Variants in MAD1L1 observed in about 807,000 individuals in gnomAD.
The protein encoded by MAD1L1 is mitotic arrest deficient 1 like 1, also known as mitotic spindle assembly checkpoint protein MAD1.
MAD1L1 carries 95 observed loss-of-function variants against 96.9 expected under a neutral mutation model. The observed-to-expected ratio is 0.98, with a 90% CI of 0.83 to 1.16. The LOEUF (loss-of-function observed/expected upper bound fraction) is 1.16. Among genes scored for constraint, MAD1L1 ranks in the 50% most tolerant of loss-of-function variants. The pLI, the probability that MAD1L1 is intolerant of heterozygous loss-of-function variation, is 0.00. For missense variants in MAD1L1, 1,007 were observed against 954.4 expected (o/e 1.06, Z -0.73); for synonymous variants, 473 against 396.6 (o/e 1.19, Z -2.29).
At chr7:1,816,610 G>A (rs1238331497) in intron 18 of MAD1L1, among the ~76,000 whole-genome samples, 3 of 152,070 alleles carry the variant, frequency 2.0e-5, no homozygotes, top group Non-Finnish European at 4.4e-5. Flanking sequence ...GTCCTGCAAC[G>A]CCTTCCACAC....
intron 18 of MAD1L1, among the ~76,000 whole-genome samples, chr7:1,886,434 T>C (rs1389748781): frequency 1.3e-5 from 2 of 152,210 alleles, no homozygotes; most frequent in Admixed American, 6.5e-5. Flanking sequence ...AATCTCAGCC[T>C]GTGTCAACAC....
chr7:2,098,763 T>A (rs1479403641), intron 11 of MAD1L1, among the ~76,000 whole-genome samples: 3 of 152,094 alleles, frequency 2.0e-5, no homozygotes, highest in Non-Finnish European at 4.4e-5. Context: ...AATGAAGATC[T>A]ACACACCACA....
At chr7:1,909,658 C>A (rs1343368419) in intron 17 of MAD1L1, among the ~76,000 whole-genome samples, 1 of 152,170 alleles carries the variant, frequency 6.6e-6, no homozygotes, top group Admixed American at 6.5e-5. Context: ...AATCCAAATT[C>A]CCGGAGACCA....
intron 13 of MAD1L1, 150 bp downstream of exon 13, chr7:2,014,352 G>A: frequency 1.0e-6 from 1 of 967,350 alleles, no homozygotes; most frequent in South Asian, 1.8e-5. Context: ...AGAGGAAGCA[G>A]CCCGTGGACA....
intron 11 of MAD1L1, among the ~76,000 whole-genome samples, chr7:2,144,215 A>G (rs1409163995): frequency 6.6e-6 from 1 of 152,230 alleles, no homozygotes; most frequent in African/African-American, 2.4e-5. Context: ...AAGAGCTTCC[A>G]GCTGGGAGCG....
intron 16 of MAD1L1, among the ~76,000 whole-genome samples, chr7:1,947,324 C>T (rs1453892052): frequency 7.9e-5 from 12 of 152,326 alleles, no homozygotes; most frequent in South Asian, 6.2e-4. Context: ...GTGCCTGACG[C>T]GCATGCCGAG....
rs1194006521 is a variant in MAD1L1, at chr7:2,224,598, G to A, written c.291+812C>T. Among the ~76,000 whole-genome samples, 10 of 152,294 alleles carry A rather than the reference G, an allele frequency of 6.6e-5. No individual in the cohort carries two copies. In the South Asian group the frequency reaches 1.7e-3, roughly 25 times the overall value. On this transcript the variant is annotated intron_variant, in intron 4 of 18. Transcript: ENST00000265854. ...GCCCAGGAGAGTGTGTGAATACACC[G>A]CATGATGTCAGGGCGGGGCTGGACA...
intron 12 of MAD1L1, among the ~76,000 whole-genome samples, chr7:2,054,390 G>C (rs1265698622): frequency 6.6e-6 from 1 of 152,160 alleles, no homozygotes; most frequent in African/African-American, 2.4e-5. Context: ...ACTGGAGACG[G>C]GTAAAATGCA....
intron 11 of MAD1L1, among the ~76,000 whole-genome samples, chr7:2,073,922 C>T (rs189309563): frequency 4.1e-4 from 62 of 152,310 alleles, no homozygotes; most frequent in Non-Finnish European, 8.1e-4. Context: ...CACTCGGGCC[C>T]GCGTCATCAG....
At chr7:2,171,924 G>A (rs1790726699) in intron 10 of MAD1L1, among the ~76,000 whole-genome samples, 1 of 152,142 alleles carries the variant, frequency 6.6e-6, no homozygotes, top group African/African-American at 2.4e-5. Flanking sequence ...ACATCTGGAG[G>A]GTCCCTGGGA....
intron 16 of MAD1L1, among the ~76,000 whole-genome samples, chr7:1,952,266 C>T (rs1291787570): frequency 6.6e-6 from 1 of 152,210 alleles, no homozygotes; most frequent in Non-Finnish European, 1.5e-5. Flanking sequence ...AAACGAGCAC[C>T]ATCATAGAAA....
At chr7:2,094,049 G>A (rs1283472173) in intron 11 of MAD1L1, among the ~76,000 whole-genome samples, 1 of 152,254 alleles carries the variant, frequency 6.6e-6, no homozygotes, top group Non-Finnish European at 1.5e-5. Context: ...CAGGGCCAAG[G>A]AAAGCAGAGG....
intron 15 of MAD1L1, among the ~76,000 whole-genome samples, chr7:1,959,576 A>G (rs1779867010): frequency 6.6e-6 from 1 of 152,196 alleles, no homozygotes; most frequent in African/African-American, 2.4e-5. Context: ...TTAAAGGCAG[A>G]GGTGGTACCT....
At chr7:2,102,610 C>G (rs368863144) in intron 11 of MAD1L1, among the ~76,000 whole-genome samples, 2 of 152,040 alleles carry the variant, frequency 1.3e-5, no homozygotes, top group Non-Finnish European at 2.9e-5. Context: ...ATCGGTGACA[C>G]CACGGTCTCC....
At chr7:1,937,224 C>T (rs1778663409) in intron 16 of MAD1L1, among the ~76,000 whole-genome samples, 1 of 152,182 alleles carries the variant, frequency 6.6e-6, no homozygotes, top group Admixed American at 6.5e-5. Context: ...ACACTCAGTG[C>T]CCGGGAGGGA....
intron 17 of MAD1L1, among the ~76,000 whole-genome samples, chr7:1,899,514 G>A (rs60041882): frequency 0.058 from 8,775 of 152,286 alleles, 590 homozygotes; most frequent in African/African-American, 0.16. Context: ...AACCAGGCAC[G>A]GGATGGTCAG....
intron 11 of MAD1L1, among the ~76,000 whole-genome samples, chr7:2,087,436 A>G (rs1785976863): frequency 1.3e-5 from 2 of 152,112 alleles, no homozygotes; most frequent in African/African-American, 4.8e-5. Context: ...GCTACTCATG[A>G]GGCTGAGGCA....
At chr7:1,907,105 A>AG (rs1208985515) in intron 17 of MAD1L1, among the ~76,000 whole-genome samples, 2 of 151,938 alleles carry the variant, frequency 1.3e-5, no homozygotes, top group African/African-American at 4.8e-5. Context: ...TCAGCCTGCG[A>AG]GGGGCGGTGA....
At chr7:2,098,756 G>A (rs1224745841) in intron 11 of MAD1L1, among the ~76,000 whole-genome samples, 4 of 130,202 alleles carry the variant, frequency 3.1e-5, no homozygotes, top group Non-Finnish European at 6.8e-5. Flanking sequence ...CAGAGGCAAT[G>A]AAGATCTACA....
Sources: gnomAD v4.1 joint callset for allele counts (sites outside exome capture counted in the v4.1 genomes callset) on GRCh38, gnomAD v4.1.1 for gene constraint, MANE v1.5 for transcripts, NCBI Gene and HGNC (gene_info 2026-07-23, HGNC 2026-07-21) for gene names.